The following HOATZ variants were observed in gnomAD, a reference collection of about 807,000 sequenced individuals.
HOATZ encodes the protein HOATZ cilia and flagella associated protein, also known as cilia- and flagella-associated protein HOATZ.
A neutral mutation model predicts 24.9 loss-of-function variants in HOATZ; 26 were observed. That is an observed-to-expected ratio of 1.04 (90% CI 0.76 to 1.45). HOATZ has a LOEUF of 1.45. Ranked by LOEUF, HOATZ falls within the 40% of genes most tolerant of loss-of-function variation. The probability of loss-of-function intolerance (pLI) is 0.00; values close to 1 mark genes in which losing one functional copy is unlikely to be tolerated. For synonymous variants in HOATZ, 83 were observed against 76.6 expected (o/e 1.08, Z -0.43); for missense variants, 226 against 201.5 (o/e 1.12, Z -0.74).
chr11:111,515,527 G>A lies in HOATZ; in HGVS notation c.243G>A (p.Ser81=), dbSNP rs1316256846. 1 of 1,613,272 alleles carries A rather than the reference G, an allele frequency of 6.2e-7. No homozygotes were observed. The highest frequency in any genetic ancestry group is 1.7e-5 in the Admixed American group (1 of 59,980). ...RSRGSENSHS[S]QSFHLASNKN... Reference sequence around the variant, plus strand: ...ATTTTTTAGAAAACAGCCACTCCTCGCAGTCTTTTCACCTTGCGAGTAACA... The same window carrying A: ...ATTTTTTAGAAAACAGCCACTCCTCACAGTCTTTTCACCTTGCGAGTAACA... The change falls in exon 2 of 6, where the codon TCG becomes TCA. Residue 81 remains serine, a synonymous_variant. Coordinates refer to ENST00000375618, the MANE Select transcript of HOATZ (RefSeq NM_001100388.2).
chr11:111,515,964 G>T, intron 2 of HOATZ, 76 bp from the exon 3 acceptor site: 1 of 992,712 alleles, frequency 1.0e-6, no homozygotes, highest in Non-Finnish European at 1.5e-6. Flanking sequence ...TTCAACCCAT[G>T]TCCAATTTTA....
At chr11:111,518,183 T>C (rs538727394) in intron 3 of HOATZ, among the ~76,000 whole-genome samples, 1 of 152,220 alleles carries the variant, frequency 6.6e-6, no homozygotes, top group Non-Finnish European at 1.5e-5. Context: ...CACTGCAATA[T>C]AGAAGATGAT....
chr11:111,524,223 A>C (rs994829076), intron 3 of HOATZ, among the ~76,000 whole-genome samples: 9 of 152,242 alleles, frequency 5.9e-5, no homozygotes, highest in Admixed American at 5.9e-4. Context: ...ATAGGTGCTG[A>C]ACAGACATGT....
At chr11:111,527,589 C>G (rs1012958683) in intron 3 of HOATZ, among the ~76,000 whole-genome samples, 3 of 152,146 alleles carry the variant, frequency 2.0e-5, no homozygotes, top group African/African-American at 7.2e-5. Flanking sequence ...CTGGGGAAAG[C>G]CTTCTCACTG....
At chr11:111,519,347 T>C (rs537313289) in intron 3 of HOATZ, among the ~76,000 whole-genome samples, 1 of 152,208 alleles carries the variant, frequency 6.6e-6, no homozygotes, top group Non-Finnish European at 1.5e-5. Context: ...AATTAAAGAG[T>C]AAATGAAGGC....
At chr11:111,530,970 A>G (rs1867387326) in intron 3 of HOATZ, among the ~76,000 whole-genome samples, 1 of 152,210 alleles carries the variant, frequency 6.6e-6, no homozygotes, top group African/African-American at 2.4e-5. Flanking sequence ...ATTATGTGAT[A>G]TGTGATATTT....
At chr11:111,518,735 A>G (rs189503338) in intron 3 of HOATZ, among the ~76,000 whole-genome samples, 39 of 152,352 alleles carry the variant, frequency 2.6e-4, no homozygotes, top group African/African-American at 8.2e-4. Flanking sequence ...AAATGTGAGA[A>G]GCACTATTTC....
At chr11:111,526,904 G>C (rs1867345914) in intron 3 of HOATZ, 1 of 152,198 alleles carries the variant, frequency 6.6e-6, no homozygotes, top group South Asian at 2.1e-4. Context: ...TCAAGACTCA[G>C]TAGTCTTTGC....
chr11:111,518,263 AC>A (rs1360574139), intron 3 of HOATZ, among the ~76,000 whole-genome samples: 9 of 152,230 alleles, frequency 5.9e-5, no homozygotes, highest in African/African-American at 2.2e-4. Context: ...AAGAGAAGTT[AC>A]TGAAACTGTG....
chr11:111,532,687 G>T (rs769447801), intron 3 of HOATZ, among the ~76,000 whole-genome samples: 1 of 152,180 alleles, frequency 6.6e-6, no homozygotes, highest in South Asian at 2.1e-4. Flanking sequence ...TTTAAGCCAC[G>T]CAGTGTGTGG....
At chr11:111,517,003 A>G (rs1257967826) in intron 3 of HOATZ, among the ~76,000 whole-genome samples, 2 of 152,238 alleles carry the variant, frequency 1.3e-5, no homozygotes, top group Admixed American at 6.5e-5. Flanking sequence ...AACTGTTCCT[A>G]TACTGTAAAA....
rs568958684 is a variant in HOATZ at position 111,514,802 on chromosome 11, C to G, written c.18C>G (p.Ser6Arg). METGP[S>R]EEPSGRKESQ... ...CAGTTGCCATGGAAACGGGACCCAG[C>G]GAAGAACCTAGCGGCCGAAAAGAGT... The change falls in exon 1 of 6, where the codon AGC becomes AGG. Residue 6 changes from serine to arginine, a missense_variant. Transcript: ENST00000375618. 2.5e-6 allele frequency: 4 copies of G among 1,613,752 alleles called. No homozygotes were observed. The highest frequency in any genetic ancestry group is 1.3e-5 in the African/African-American group (1 of 74,876).
rs779633934 is a variant in HOATZ, at chr11:111,514,972, G to A, written c.188G>A (p.Arg63His). 52 of 1,613,472 alleles carry A rather than the reference G, an allele frequency of 3.2e-5. No individual in the cohort carries two copies. The highest frequency in any genetic ancestry group is 4.1e-5 in the Non-Finnish European group (48 of 1,180,022). ...GTGCTGCGCAGAGACAGCAGTCAGCGTCTGCCGGTGGCGCGGCCCAGGAGG... is the reference window on the plus strand; with the variant it reads ...GTGCTGCGCAGAGACAGCAGTCAGCATCTGCCGGTGGCGCGGCCCAGGAGG... ...QLVLRRDSSQ[R>H]LPVARPRRSR... Residue 63 changes from arginine (R) to histidine (H), a missense_variant, in exon 1 of 6, where the codon CGT (arginine) becomes CAT (histidine). Transcript: ENST00000375618.
chr11:111,517,838 T>C (rs1200722466), intron 3 of HOATZ, among the ~76,000 whole-genome samples: 1 of 152,236 alleles, frequency 6.6e-6, no homozygotes, highest in Non-Finnish European at 1.5e-5. Context: ...ATGTATTAGT[T>C]GTCTTCCTAA....
At chr11:111,530,503 A>G (rs1468227154) in intron 3 of HOATZ, among the ~76,000 whole-genome samples, 1 of 152,162 alleles carries the variant, frequency 6.6e-6, no homozygotes. Context: ...ATCACATCCT[A>G]ATTTTCTGGA....
rs745485200 is a variant in HOATZ at position 111,514,883 on chromosome 11, T to C, written c.99T>C (p.Asp33=). Residue 33 remains aspartate, a synonymous_variant, in exon 1 of 6, where the codon GAT becomes GAC. Transcript: ENST00000375618. ...TATTTGCTGGCTCCTCGGAACAAGA[T>C]GCCAACTTGGCTAAGCAGTTCTGGA... The part of the protein sequence containing the change: ...LLVFAGSSEQ[D]ANLAKQFWIS... 2 of 1,614,098 alleles carry C rather than the reference T, an allele frequency of 1.2e-6. No homozygotes were observed. Among genetic ancestry groups the C allele is most frequent in the Admixed American group, 3.3e-5 (2 of 60,014 alleles).
chr11:111,527,187 A>G (rs375464943), intron 3 of HOATZ, among the ~76,000 whole-genome samples: 2 of 152,226 alleles, frequency 1.3e-5, no homozygotes, highest in South Asian at 4.1e-4. Flanking sequence ...TTCTTCAGGC[A>G]ATTATTATTG....
chr11:111,525,438 T>A (rs538932371), intron 3 of HOATZ, among the ~76,000 whole-genome samples: 3 of 152,330 alleles, frequency 2.0e-5, no homozygotes, highest in Non-Finnish European at 4.4e-5. Flanking sequence ...GTATAGACAT[T>A]AGTCTGTATG....
chr11:111,523,981 G>C (rs1432719870), intron 3 of HOATZ, among the ~76,000 whole-genome samples: 1 of 152,254 alleles, frequency 6.6e-6, no homozygotes, highest in East Asian at 1.9e-4. Flanking sequence ...TAGCTTCCAA[G>C]TTTCTTAAGG....
Sources: allele counts gnomAD v4.1 joint callset (sites outside exome capture counted in the v4.1 genomes callset), GRCh38; gene constraint gnomAD v4.1.1; transcripts MANE v1.5; gene names NCBI Gene and HGNC (gene_info 2026-07-23, HGNC 2026-07-21).